The following PTPRD variants were observed in gnomAD, a reference collection of about 807,000 sequenced individuals.
PTPRD encodes protein tyrosine phosphatase receptor type D.
Under a neutral mutation model 214.5 loss-of-function variants are expected in PTPRD, and 34 were observed. The ratio of observed to expected loss-of-function variants is 0.16; its 90% CI spans 0.12 to 0.21. The LOEUF (loss-of-function observed/expected upper bound fraction) is 0.21. Ranked by LOEUF, PTPRD falls within the 10% of genes least tolerant of loss-of-function variation. PTPRD has a pLI of 1.00. For synonymous variants in PTPRD, 1,128 were observed against 845.7 expected (o/e 1.33, Z -5.79); for missense variants, 2,545 against 2,398.7 (o/e 1.06, Z -1.27).
At chr9:10,513,615 T>C (rs897901229) in intron 2 of PTPRD, among the ~76,000 whole-genome samples, 9 of 152,128 alleles carry the variant, frequency 5.9e-5, no homozygotes. Context: ...TCCTTTGAAG[T>C]TGGGCATGTC....
intron 3 of PTPRD, among the ~76,000 whole-genome samples, chr9:10,131,421 G>C (rs1030142279): frequency 6.6e-6 from 1 of 152,118 alleles, no homozygotes; most frequent in Non-Finnish European, 1.5e-5. Flanking sequence ...GTATTGTCAA[G>C]TGCTTAACAA....
intron 11 of PTPRD, among the ~76,000 whole-genome samples, chr9:8,817,285 T>G (rs1315653093): frequency 6.6e-6 from 1 of 152,214 alleles, no homozygotes; most frequent in African/African-American, 2.4e-5. Flanking sequence ...ATGGATTTTA[T>G]AAGAAATGGA....
intron 9 of PTPRD, among the ~76,000 whole-genome samples, chr9:9,273,495 T>C (rs1943758135): frequency 6.6e-6 from 1 of 151,370 alleles, no homozygotes. Context: ...TTATATAGTG[T>C]ACATTAAATA....
chr9:9,028,975 G>C (rs1483585611), intron 10 of PTPRD, among the ~76,000 whole-genome samples: 1 of 151,900 alleles, frequency 6.6e-6, no homozygotes, highest in Non-Finnish European at 1.5e-5. Flanking sequence ...TGTCCAATAT[G>C]GTAGCCACTA....
At chr9:9,550,949 G>C (rs1313515260) in intron 8 of PTPRD, among the ~76,000 whole-genome samples, 1 of 151,826 alleles carries the variant, frequency 6.6e-6, no homozygotes, top group Non-Finnish European at 1.5e-5. Flanking sequence ...ATCACCAAAT[G>C]TTGGCAAGTA....
intron 9 of PTPRD, among the ~76,000 whole-genome samples, chr9:9,280,568 A>C (rs551811719): frequency 6.6e-6 from 1 of 151,412 alleles, no homozygotes; most frequent in East Asian, 2.0e-4. Context: ...CATAAATCTA[A>C]CAAAATATGT....
At chr9:8,444,739 A>C (rs1405196974) in intron 34 of PTPRD, among the ~76,000 whole-genome samples, 1 of 152,184 alleles carries the variant, frequency 6.6e-6, no homozygotes, top group Non-Finnish European at 1.5e-5. Flanking sequence ...AAATTTCCCC[A>C]ATAAACATGT....
At position 8,331,082 on chromosome 9, in the gene PTPRD, C is replaced by A. The variant is rs538287719; in HGVS notation, c.5534+500G>T. 1.7e-4 allele frequency among the ~76,000 whole-genome samples: 24 copies of A among 144,632 alleles called. No individual in the cohort carries two copies. In the East Asian group the frequency reaches 4.8e-3, roughly 29 times the overall value. The allele number at this position is 144,632 out of a possible 152,430, so 94.9% of individuals were successfully genotyped here. On this transcript the variant is annotated intron_variant, in intron 44 of 45. Coordinates refer to ENST00000381196, the MANE Select transcript of PTPRD (RefSeq NM_002839.4). ...GAAAATAATTAACTTGAAGGTGCTT[C>A]ATTTTCTGATATAGCAACAATTTTC...
intron 14 of PTPRD, among the ~76,000 whole-genome samples, chr9:8,567,342 G>A (rs2089632560): frequency 1.3e-5 from 2 of 152,140 alleles, no homozygotes; most frequent in African/African-American, 4.8e-5. Flanking sequence ...CATAGCTCAG[G>A]AGTCACTTTC....
chr9:8,454,645 G>A (rs2096108850), intron 33 of PTPRD: 2 of 1,596,790 alleles, frequency 1.3e-6, no homozygotes, highest in Non-Finnish European at 8.5e-7. Context: ...AATGTTAGTT[G>A]GCCAATGGTA....
At chr9:10,168,208 A>T (rs2099171056) in intron 3 of PTPRD, among the ~76,000 whole-genome samples, 1 of 152,230 alleles carries the variant, frequency 6.6e-6, no homozygotes, top group African/African-American at 2.4e-5. Flanking sequence ...CTTACATAAT[A>T]ATGTAATAAA....
intron 9 of PTPRD, among the ~76,000 whole-genome samples, chr9:9,385,511 T>C (rs1405725778): frequency 1.3e-5 from 2 of 152,148 alleles, no homozygotes; most frequent in Non-Finnish European, 2.9e-5. Context: ...TTCATATATA[T>C]TTTCAGGAAA....
chr9:9,561,158 A>C (rs1352903922), intron 8 of PTPRD, among the ~76,000 whole-genome samples: 1 of 152,298 alleles, frequency 6.6e-6, no homozygotes, highest in African/African-American at 2.4e-5. Flanking sequence ...GGTTGTGATA[A>C]CAAGCGGAGT....
intron 9 of PTPRD, among the ~76,000 whole-genome samples, chr9:9,218,819 A>G (rs1053127578): frequency 1.3e-5 from 2 of 152,102 alleles, no homozygotes; most frequent in African/African-American, 2.4e-5. Flanking sequence ...CTGACGAGGT[A>G]AAAAACACTA....
intron 9 of PTPRD, among the ~76,000 whole-genome samples, chr9:9,363,512 T>C (rs570243251): frequency 6.6e-6 from 1 of 151,452 alleles, no homozygotes; most frequent in Non-Finnish European, 1.5e-5. Context: ...ATGTCGATCA[T>C]AAATTGCTAG....
chr9:9,797,275 G>C (rs1447199021), intron 5 of PTPRD, among the ~76,000 whole-genome samples: 1 of 133,082 alleles, frequency 7.5e-6, no homozygotes, highest in Non-Finnish European at 1.6e-5. Flanking sequence ...TAAACAGGCA[G>C]TTTAGTTGTT....
At chr9:10,270,947 C>G (rs1056018196) in intron 3 of PTPRD, among the ~76,000 whole-genome samples, 1 of 152,092 alleles carries the variant, frequency 6.6e-6, no homozygotes, top group African/African-American at 2.4e-5. Flanking sequence ...TCTCCTTCCT[C>G]AGCCTCCCAG....
At chr9:10,420,356 A>G (rs1257829790) in intron 2 of PTPRD, among the ~76,000 whole-genome samples, 1 of 151,876 alleles carries the variant, frequency 6.6e-6, no homozygotes, top group African/African-American at 2.4e-5. Flanking sequence ...AATATTGAAA[A>G]TGGCTCAACA....
intron 2 of PTPRD, among the ~76,000 whole-genome samples, chr9:10,569,502 C>A (rs1217336896): frequency 6.7e-6 from 1 of 148,740 alleles, no homozygotes; most frequent in Admixed American, 6.7e-5. Flanking sequence ...TGTGTATATG[C>A]ATGTCTCTCT....
Sources: allele counts gnomAD v4.1 joint callset (sites outside exome capture counted in the v4.1 genomes callset), GRCh38; gene constraint gnomAD v4.1.1; transcripts MANE v1.5; gene names NCBI Gene and HGNC (gene_info 2026-07-23, HGNC 2026-07-21).